Variants in ANKS1A observed in about 807,000 individuals in gnomAD.
ANKS1A encodes the protein ankyrin repeat and SAM domain-containing protein 1A.
A neutral mutation model predicts 120.3 loss-of-function variants in ANKS1A; 55 were observed. The observed-to-expected ratio is 0.46, with a 90% CI of 0.37 to 0.57. ANKS1A has a LOEUF of 0.57. Ranked by LOEUF, ANKS1A falls within the 20% of genes least tolerant of loss-of-function variation. ANKS1A has a pLI of 0.00. For synonymous variants in ANKS1A, 590 were observed against 604.7 expected, an observed-to-expected ratio of 0.98 and a Z score of 0.36; for missense variants, 1,123 against 1,480.3, an observed-to-expected ratio of 0.76 and a Z score of 3.96.
chr6:34,916,188 T>C (rs1768155121), intron 1 of ANKS1A, among the ~76,000 whole-genome samples: 2 of 152,044 alleles, frequency 1.3e-5, no homozygotes, highest in Non-Finnish European at 2.9e-5. Context: ...AGATGAGGCT[T>C]CACCATATTG....
In ANKS1A at chr6:35,079,871, C is replaced by A; in HGVS notation, c.2487C>A (p.Leu829=). 6.4e-7 allele frequency: 1 copy of A among 1,567,478 alleles called. No individual in the cohort carries two copies. Among genetic ancestry groups the A allele is most frequent in the East Asian group, 2.4e-5 (1 of 42,432 alleles). ...LGHRKRIIAS[L]ADRPYEEPPQ... ...ATCGCAAGCGCATCATCGCCTCCCT[C>A]GCAGACAGACCGTACGAGGAGCCGC... is the stretch of plus-strand genomic sequence containing the variant. The change falls in exon 16 of 24, where the codon CTC becomes CTA. Residue 829 remains leucine (L), a synonymous_variant. Transcript: ENST00000360359.
intron 1 of ANKS1A, among the ~76,000 whole-genome samples, chr6:34,955,735 A>G (rs1770332146): frequency 6.6e-6 from 1 of 152,140 alleles, no homozygotes; most frequent in Non-Finnish European, 1.5e-5. Flanking sequence ...TGTGGGAGGT[A>G]AAGTTTGAGA....
At chr6:34,906,609 G>C (rs534718147) in intron 1 of ANKS1A, among the ~76,000 whole-genome samples, 52 of 152,260 alleles carry the variant, frequency 3.4e-4, no homozygotes, top group African/African-American at 9.6e-4. Context: ...ATAAATGTAG[G>C]AATAATGAGG....
At chr6:34,918,114 G>C (rs1768263089) in intron 1 of ANKS1A, among the ~76,000 whole-genome samples, 1 of 152,196 alleles carries the variant, frequency 6.6e-6, no homozygotes, top group Non-Finnish European at 1.5e-5. Flanking sequence ...TTTTACCCAT[G>C]ATTGAAACCA....
At chr6:34,997,195 A>ATTTT (rs372595838) in intron 10 of ANKS1A, among the ~76,000 whole-genome samples, 3 of 130,258 alleles carry the variant, frequency 2.3e-5, no homozygotes, top group African/African-American at 2.9e-5. Flanking sequence ...TATTGGTAGA[A>ATTTT]TTTTTTTTTT....
rs572227356 is a variant in ANKS1A at position 35,020,136 on chromosome 6, G to A, written c.2010+2077G>A. ...TTGCACCAGGTAGTGAGAGGGCCTC[G>A]AGCATCAGGCCAAGAGATGAGTACA... On this transcript the variant is annotated intron_variant, in intron 11 of 23. Coordinates refer to ENST00000360359, the MANE Select transcript of ANKS1A (RefSeq NM_015245.3). 3.9e-5 allele frequency among the ~76,000 whole-genome samples: 6 copies of A among 152,088 alleles called. No individual in the cohort carries two copies. The South Asian group carries it at 1.2e-3, about 32-fold the overall frequency.
intron 10 of ANKS1A, among the ~76,000 whole-genome samples, chr6:35,007,744 G>A (rs1052117193): frequency 5.9e-5 from 9 of 152,242 alleles, no homozygotes; most frequent in Non-Finnish European, 1.2e-4. Flanking sequence ...GATACATGTG[G>A]ACTTTCTGGC....
At chr6:34,915,819 G>C (rs1188146233) in intron 1 of ANKS1A, among the ~76,000 whole-genome samples, 1 of 152,014 alleles carries the variant, frequency 6.6e-6, no homozygotes, top group Non-Finnish European at 1.5e-5. Flanking sequence ...CTTGTTCTCT[G>C]AGCCACTCTA....
At chr6:34,951,574 T>C (rs1476309696) in intron 1 of ANKS1A, among the ~76,000 whole-genome samples, 1 of 152,208 alleles carries the variant, frequency 6.6e-6, no homozygotes, top group Non-Finnish European at 1.5e-5. Context: ...TTAGGAAATA[T>C]ATGTGGTGTA....
chr6:35,013,497 G>A (rs1446420492), intron 10 of ANKS1A, among the ~76,000 whole-genome samples: 1 of 152,032 alleles, frequency 6.6e-6, no homozygotes, highest in African/African-American at 2.4e-5. Flanking sequence ...GTCTCGCCAT[G>A]TTGCCCAAGC....
intron 8 of ANKS1A, among the ~76,000 whole-genome samples, chr6:34,987,293 G>A (rs1422163517): frequency 6.6e-6 from 1 of 152,200 alleles, no homozygotes; most frequent in Non-Finnish European, 1.5e-5. Flanking sequence ...TTTCCTTCCA[G>A]TGTCCCTGGT....
At chr6:34,969,938 A>G in intron 2 of ANKS1A, 72 bp from the exon 3 acceptor site, 1 of 1,543,472 alleles carries the variant, frequency 6.5e-7, no homozygotes, top group Non-Finnish European at 8.8e-7. Flanking sequence ...TTTGTGCCAT[A>G]TAGGTGTAAA....
intron 10 of ANKS1A, among the ~76,000 whole-genome samples, chr6:35,008,063 C>G (rs182935643): frequency 6.4e-4 from 97 of 152,264 alleles, no homozygotes; most frequent in African/African-American, 2.3e-3. Flanking sequence ...AAATAGGTAC[C>G]TGTGTTCGAT....
Position 35,090,330 on chromosome 6 carries a change from GCCACTGCGCA to G in ANKS1A, c.*1723_*1732del. On this transcript the variant is annotated 3_prime_UTR_variant, in exon 24 of 24. Coordinates refer to ENST00000360359, the MANE Select transcript of ANKS1A (RefSeq NM_015245.3). Reference sequence around the variant, plus strand: ...TAAAGCATCCAGAGTAGACTGCGCTGCCACTGCGCACATGCTGGTGCCCGTCTTCCTCCTA... The same window carrying G: ...TAAAGCATCCAGAGTAGACTGCGCTGCATGCTGGTGCCCGTCTTCCTCCTA... 2 of 1,283,630 alleles carry G rather than the reference GCCACTGCGCA, an allele frequency of 1.6e-6. No individual in the cohort carries two copies. The highest frequency in any genetic ancestry group is 2.5e-5 in the South Asian group (2 of 80,610). The allele number at this position is 1,283,630 out of a possible 1,614,324, so 79.5% of individuals were successfully genotyped here.
At chr6:35,039,036 C>T (rs1161453065) in intron 11 of ANKS1A, among the ~76,000 whole-genome samples, 1 of 151,762 alleles carries the variant, frequency 6.6e-6, no homozygotes, top group Non-Finnish European at 1.5e-5. Flanking sequence ...AGAATCCACA[C>T]ATCCACACAC....
chr6:34,978,757 ATCAT>A (rs1421805386), intron 3 of ANKS1A, among the ~76,000 whole-genome samples: 3 of 145,970 alleles, frequency 2.1e-5, no homozygotes. Flanking sequence ...GTGAGCCGAG[ATCAT>A]GCCATTGCAC....
chr6:34,922,416 CCTACCAATTCAAG>C (rs1451477084), intron 1 of ANKS1A, among the ~76,000 whole-genome samples: 1 of 152,152 alleles, frequency 6.6e-6, no homozygotes, highest in Non-Finnish European at 1.5e-5. Context: ...ATTTTGTAAA[CCTACCAATTCAAG>C]CTATTGTTTT....
At chr6:35,048,548 C>A (rs913216468) in intron 11 of ANKS1A, among the ~76,000 whole-genome samples, 1 of 152,134 alleles carries the variant, frequency 6.6e-6, no homozygotes, top group African/African-American at 2.4e-5. Context: ...TTACTTCAAT[C>A]CATCTTTGTT....
intron 23 of ANKS1A, 74 bp from the exon 24 acceptor site, chr6:35,088,532 C>G (rs1778119465): frequency 6.3e-7 from 1 of 1,589,024 alleles, no homozygotes; most frequent in South Asian, 1.1e-5. Flanking sequence ...TCTGTGTTTC[C>G]TTTCCATTTC....
Sources: gnomAD v4.1 joint callset for allele counts (sites outside exome capture counted in the v4.1 genomes callset) on GRCh38, gnomAD v4.1.1 for gene constraint, MANE v1.5 for transcripts, NCBI Gene and HGNC (gene_info 2026-07-23, HGNC 2026-07-21) for gene names.